GMCL1: variants seen among roughly 807,000 people sequenced by gnomAD.
GMCL1 encodes germ cell-less 1, spermatogenesis associated, also known as germ cell-less protein-like 1.
Under a neutral mutation model 75.5 loss-of-function variants are expected in GMCL1, and 54 were observed. That is an observed-to-expected ratio of 0.71 (90% CI 0.57 to 0.90). The LOEUF (loss-of-function observed/expected upper bound fraction) is 0.90, where lower values mean the gene tolerates loss of function less well. Ranked by LOEUF, GMCL1 falls within the 40% of genes least tolerant of loss-of-function variation. The pLI, the probability that GMCL1 is intolerant of heterozygous loss-of-function variation, is 0.00. For missense variants in GMCL1, 537 were observed against 622.7 expected (o/e 0.86, Z 1.47); for synonymous variants, 210 against 209.6 (o/e 1.00, Z -0.02).
Position 69,878,935 on chromosome 2 carries a change from C to T in GMCL1, c.1479C>T (p.Ser493=). 1 of 1,609,018 alleles carries T rather than the reference C, an allele frequency of 6.2e-7. No individual in the cohort carries two copies. The highest frequency in any genetic ancestry group is 8.5e-7 in the Non-Finnish European group (1 of 1,175,534). ...DQEQVVMNLD[S]RLLIFPLYIC... ...AACAAGTGGTGATGAACTTGGACAG[C>T]AGGCTTCTGATCTTCCCTTTATATA... Residue 493 remains serine, a synonymous_variant, in exon 14 of 14, where the codon AGC becomes AGT. Transcript: ENST00000282570.
At chr2:69,869,637 G>A in intron 11 of GMCL1, 82 bp from the exon 12 acceptor site, 1 of 1,393,386 alleles carries the variant, frequency 7.2e-7, no homozygotes. Context: ...ATGAGTTAGA[G>A]ACAAAAAGAC....
chr2:69,866,267 G>C (rs1188501340), intron 11 of GMCL1, among the ~76,000 whole-genome samples: 1 of 149,512 alleles, frequency 6.7e-6, no homozygotes. Flanking sequence ...AAAAAAAACT[G>C]ATTGTATCTT....
chr2:69,830,263 G>A (rs1402028552), intron 1 of GMCL1, 111 bp downstream of exon 1: 2 of 1,358,982 alleles, frequency 1.5e-6, no homozygotes, highest in Non-Finnish European at 2.0e-6. Context: ...CTATGGAGAG[G>A]GGACGTGCCC....
At chr2:69,843,289 T>G in intron 5 of GMCL1, 28 bp downstream of exon 5, 1 of 1,235,512 alleles carries the variant, frequency 8.1e-7, no homozygotes, top group Non-Finnish European at 1.2e-6. Flanking sequence ...TTTTTCTTCC[T>G]ATCCCACTTT....
chr2:69,836,729 A>T (rs1674828646), intron 1 of GMCL1, among the ~76,000 whole-genome samples: 1 of 152,202 alleles, frequency 6.6e-6, no homozygotes, highest in Non-Finnish European at 1.5e-5. Context: ...TAGTTACTGG[A>T]TCATTTTGAG....
intron 13 of GMCL1, among the ~76,000 whole-genome samples, chr2:69,872,199 T>A (rs1676000716): frequency 6.6e-6 from 1 of 152,164 alleles, no homozygotes; most frequent in Admixed American, 6.5e-5. Context: ...ACAGCAGGCA[T>A]CTTAAAGACA....
chr2:69,859,506 A>G (rs1398802843), intron 9 of GMCL1, among the ~76,000 whole-genome samples: 1 of 151,284 alleles, frequency 6.6e-6, no homozygotes, highest in Non-Finnish European at 1.5e-5. Flanking sequence ...TATTTAGGCC[A>G]GACATGGTGG....
At chr2:69,870,241 G>A (rs1328365113) in intron 12 of GMCL1, among the ~76,000 whole-genome samples, 2 of 151,662 alleles carry the variant, frequency 1.3e-5, no homozygotes, top group Non-Finnish European at 2.9e-5. Flanking sequence ...TTGCCCAGTA[G>A]TTGCTGGCAA....
chr2:69,859,742 T>TTAAAAAAAAAA (rs1553372489), intron 9 of GMCL1, among the ~76,000 whole-genome samples: 7 of 79,134 alleles, frequency 8.8e-5, no homozygotes, highest in Non-Finnish European at 1.4e-4. Flanking sequence ...TCTCTCTCTC[T>TTAAAAAAAAAA]AAAAAAAAAA....
chr2:69,863,323 C>T (rs1396807937), intron 10 of GMCL1, among the ~76,000 whole-genome samples: 1 of 152,196 alleles, frequency 6.6e-6, no homozygotes, highest in African/African-American at 2.4e-5. Flanking sequence ...TATATCCCCT[C>T]TTAGGAAATG....
intron 10 of GMCL1, among the ~76,000 whole-genome samples, chr2:69,861,948 G>C (rs1675662391): frequency 6.6e-6 from 1 of 152,006 alleles, no homozygotes; most frequent in East Asian, 1.9e-4. Flanking sequence ...GTTGCGGTAA[G>C]CCAAAATTGC....
intron 1 of GMCL1, among the ~76,000 whole-genome samples, chr2:69,831,662 C>A (rs923453829): frequency 3.3e-5 from 5 of 152,076 alleles, no homozygotes; most frequent in African/African-American, 1.2e-4. Flanking sequence ...GGCTGGAATG[C>A]AGTGGTGGGA....
At chr2:69,867,262 A>G (rs1036980276) in intron 11 of GMCL1, among the ~76,000 whole-genome samples, 12 of 151,196 alleles carry the variant, frequency 7.9e-5, no homozygotes, top group Admixed American at 2.6e-4. Context: ...ACCTTTCTTT[A>G]CCACTACTCT....
rs369228644 is a variant in GMCL1 at position 69,869,866 on chromosome 2, T to G, written c.1364+2T>G. ...GCCTCGAAGGAGCATAGCATTTAGGTAGGATGAGATTTCCCCACCCCACTC... is the reference window on the plus strand; with the variant it reads ...GCCTCGAAGGAGCATAGCATTTAGGGAGGATGAGATTTCCCCACCCCACTC... On this transcript the variant is annotated splice_donor_variant, in intron 12 of 13. Coordinates refer to ENST00000282570, the MANE Select transcript of GMCL1 (RefSeq NM_178439.5). LOFTEE classifies it high-confidence loss of function. The G allele has an allele frequency of 5.6e-6, 9 of 1,611,828 alleles. No individual in the cohort carries two copies. The highest frequency in any genetic ancestry group is 1.3e-5 in the African/African-American group (1 of 74,730).
chr2:69,865,451 C>T (rs1173311563), intron 11 of GMCL1, among the ~76,000 whole-genome samples: 1 of 152,064 alleles, frequency 6.6e-6, no homozygotes, highest in Admixed American at 6.6e-5. Flanking sequence ...AGTTCAAGAC[C>T]AGCCTGGCCA....
intron 10 of GMCL1, among the ~76,000 whole-genome samples, chr2:69,863,157 C>A (rs1297784437): frequency 6.6e-6 from 1 of 152,086 alleles, no homozygotes. Flanking sequence ...GTTAGTTGAC[C>A]CTGCAAAACC....
chr2:69,862,796 T>C (rs1295710358), intron 10 of GMCL1, among the ~76,000 whole-genome samples: 1 of 151,930 alleles, frequency 6.6e-6, no homozygotes, highest in East Asian at 1.9e-4. Flanking sequence ...AAATAATAAA[T>C]TGAAATCAAA....
intron 9 of GMCL1, among the ~76,000 whole-genome samples, chr2:69,857,611 C>T (rs185236023): frequency 5.9e-5 from 9 of 152,202 alleles, no homozygotes; most frequent in Admixed American, 2.6e-4. Flanking sequence ...TAGATTTTGA[C>T]GTTATTATAC....
intron 13 of GMCL1, among the ~76,000 whole-genome samples, chr2:69,875,797 C>T (rs1259763359): frequency 1.3e-5 from 2 of 151,856 alleles, no homozygotes; most frequent in South Asian, 2.1e-4. Flanking sequence ...CGGGTTCAAG[C>T]GATTCCCCTG....
Sources: gnomAD v4.1 joint callset for allele counts (sites outside exome capture counted in the v4.1 genomes callset) on GRCh38, gnomAD v4.1.1 for gene constraint, MANE v1.5 for transcripts, NCBI Gene and HGNC (gene_info 2026-07-23, HGNC 2026-07-21) for gene names.